FOXJ3: variants seen among roughly 807,000 people sequenced by gnomAD.
FOXJ3 encodes the protein forkhead box protein J3.
A neutral mutation model predicts 76.1 loss-of-function variants in FOXJ3; 22 were observed. That is an observed-to-expected ratio of 0.29 (90% CI 0.21 to 0.41). FOXJ3 has a LOEUF of 0.41. Ranked by LOEUF, FOXJ3 falls within the 10% of genes least tolerant of loss-of-function variation. The probability of loss-of-function intolerance (pLI) is 1.00; values close to 1 mark genes in which losing one functional copy is unlikely to be tolerated. For synonymous variants in FOXJ3, 269 were observed against 261.2 expected (o/e 1.03, Z -0.29); for missense variants, 613 against 762.1 (o/e 0.80, Z 2.30).
chr1:42,230,651 A>G (rs1648008006), intron 4 of FOXJ3, among the ~76,000 whole-genome samples: 1 of 152,180 alleles, frequency 6.6e-6, no homozygotes, highest in Non-Finnish European at 1.5e-5. Flanking sequence ...GCGCTCAACA[A>G]GTTTTGGATT....
At position 42,199,300 on chromosome 1, in the gene FOXJ3, T is replaced by C. The variant is rs144671166; in HGVS notation, c.631-70A>G. On this transcript the variant is annotated intron_variant, in intron 6 of 12. Coordinates refer to ENST00000361346, the MANE Select transcript of FOXJ3 (RefSeq NM_014947.5). ...CTTAAGCAACTCTGCAAAAATACAA[T>C]TGAGCAGGCATATGGCAAGAAGAAA... The C allele has an allele frequency of 8.0e-5, 110 of 1,379,622 alleles. No individual in the cohort carries two copies. In the East Asian group the frequency reaches 1.3e-3, roughly 16 times the overall value. 85.5% of individuals were successfully genotyped at this position (1,379,622 alleles called of 1,614,324 possible). A position where few individuals can be genotyped will look rare whatever the true frequency, so the allele number is the denominator to read the frequency against.
At chr1:42,285,042 T>C (rs556948026) in intron 2 of FOXJ3, among the ~76,000 whole-genome samples, 1 of 152,236 alleles carries the variant, frequency 6.6e-6, no homozygotes. Context: ...AAAGTTAGTA[T>C]TTTGATAACT....
intron 1 of FOXJ3, among the ~76,000 whole-genome samples, chr1:42,320,024 C>G (rs1390850077): frequency 1.3e-5 from 2 of 152,150 alleles, no homozygotes; most frequent in Non-Finnish European, 2.9e-5. Flanking sequence ...CTACCACTAT[C>G]TACAAATCGA....
chr1:42,216,346 G>A (rs973676914), intron 5 of FOXJ3, among the ~76,000 whole-genome samples: 1 of 151,580 alleles, frequency 6.6e-6, no homozygotes, highest in Non-Finnish European at 1.5e-5. Flanking sequence ...GTGAAACCCC[G>A]TCTCTACTAA....
intron 1 of FOXJ3, among the ~76,000 whole-genome samples, chr1:42,313,760 G>A (rs1026306974): frequency 6.6e-6 from 1 of 152,086 alleles, no homozygotes; most frequent in African/African-American, 2.4e-5. Flanking sequence ...CAGACAACCT[G>A]CCTCTGGGTC....
At chr1:42,237,867 T>C (rs574295735) in intron 4 of FOXJ3, among the ~76,000 whole-genome samples, 7 of 151,802 alleles carry the variant, frequency 4.6e-5, no homozygotes, top group Non-Finnish European at 8.8e-5. Context: ...ATTTAAAATA[T>C]TGTAACATTT....
intron 2 of FOXJ3, among the ~76,000 whole-genome samples, chr1:42,283,424 T>G (rs1652853262): frequency 6.6e-6 from 1 of 152,192 alleles, no homozygotes; most frequent in Admixed American, 6.5e-5. Context: ...TTTAGCTACT[T>G]TAGTACACTG....
intron 4 of FOXJ3, among the ~76,000 whole-genome samples, chr1:42,253,743 G>C (rs1650317633): frequency 6.6e-6 from 1 of 152,150 alleles, no homozygotes. Context: ...ATGGTGCTGG[G>C]AAAACTGGCT....
At chr1:42,301,642 T>C (rs966902442) in intron 2 of FOXJ3, among the ~76,000 whole-genome samples, 2 of 152,242 alleles carry the variant, frequency 1.3e-5, no homozygotes, top group African/African-American at 4.8e-5. Context: ...TTTGTAATTC[T>C]TTCAATGAAT....
At chr1:42,189,982 T>C (rs1176208887) in intron 9 of FOXJ3, among the ~76,000 whole-genome samples, 2 of 152,130 alleles carry the variant, frequency 1.3e-5, no homozygotes, top group African/African-American at 2.4e-5. Context: ...AGAAAAAAAT[T>C]TAACATAGTC....
chr1:42,266,753 G>A (rs923853305), intron 3 of FOXJ3, among the ~76,000 whole-genome samples: 15 of 152,106 alleles, frequency 9.9e-5, no homozygotes, highest in Non-Finnish European at 2.1e-4. Context: ...AGGCAGTGAG[G>A]AGACAAAGCC....
chr1:42,293,653 C>G (rs930258740), intron 2 of FOXJ3, among the ~76,000 whole-genome samples: 8 of 152,184 alleles, frequency 5.3e-5, no homozygotes, highest in African/African-American at 1.9e-4. Context: ...TCACGAGCTT[C>G]TCTTAGTTTT....
chr1:42,257,123 C>T (rs1650654812), intron 4 of FOXJ3, among the ~76,000 whole-genome samples: 1 of 152,206 alleles, frequency 6.6e-6, no homozygotes. Context: ...AAGCAATATA[C>T]AGATGCAGAT....
At chr1:42,315,816 T>C (rs989192749) in intron 1 of FOXJ3, among the ~76,000 whole-genome samples, 1 of 152,240 alleles carries the variant, frequency 6.6e-6, no homozygotes, top group African/African-American at 2.4e-5. Flanking sequence ...GTTACATCCA[T>C]AATTTATTTA....
chr1:42,208,966 T>C (rs745635668), intron 5 of FOXJ3, among the ~76,000 whole-genome samples: 38 of 152,308 alleles, frequency 2.5e-4, no homozygotes, highest in Middle Eastern at 3.4e-3. Flanking sequence ...AACAGAATGG[T>C]TGTATAGGTA....
chr1:42,245,852 C>G (rs994655079), intron 4 of FOXJ3, among the ~76,000 whole-genome samples: 1 of 152,078 alleles, frequency 6.6e-6, no homozygotes, highest in African/African-American at 2.4e-5. Flanking sequence ...GGCATCTAAA[C>G]TGGAAAAGAG....
chr1:42,216,816 G>A (rs965057592), intron 5 of FOXJ3, among the ~76,000 whole-genome samples: 5 of 152,028 alleles, frequency 3.3e-5, no homozygotes, highest in African/African-American at 1.2e-4. Context: ...ATAAAAATGA[G>A]ATACTAAAAT....
intron 11 of FOXJ3, among the ~76,000 whole-genome samples, chr1:42,187,540 G>A (rs1288658821): frequency 2.0e-5 from 3 of 152,090 alleles, no homozygotes; most frequent in South Asian, 2.1e-4. Flanking sequence ...AAGAAGACAC[G>A]CTGTCCATCT....
chr1:42,228,992 T>A (rs1416991743), intron 4 of FOXJ3, among the ~76,000 whole-genome samples: 6 of 152,200 alleles, frequency 3.9e-5, no homozygotes, highest in Non-Finnish European at 5.9e-5. Flanking sequence ...AACCCTCACC[T>A]ATCAATCCTC....
Sources: allele counts gnomAD v4.1 joint callset (sites outside exome capture counted in the v4.1 genomes callset), GRCh38; gene constraint gnomAD v4.1.1; transcripts MANE v1.5; gene names NCBI Gene and HGNC (gene_info 2026-07-23, HGNC 2026-07-21).